Variants in LRP1B observed in about 807,000 individuals in gnomAD.
LRP1B encodes the protein LDL receptor related protein 1B.
Under a neutral mutation model 556.6 loss-of-function variants are expected in LRP1B, and 217 were observed. That is an observed-to-expected ratio of 0.39 (90% CI 0.35 to 0.44). The LOEUF is 0.44. LRP1B is among the 20% of genes least tolerant of loss of function. The pLI, the probability that LRP1B is intolerant of heterozygous loss-of-function variation, is 1.00. For missense variants in LRP1B, 5,053 were observed against 5,620.8 expected, an observed-to-expected ratio of 0.90 and a Z score of 3.23; for synonymous variants, 2,047 against 1,865.8, an observed-to-expected ratio of 1.10 and a Z score of -2.50.
intron 2 of LRP1B, among the ~76,000 whole-genome samples, chr2:141,574,357 C>A (rs1686656916): frequency 6.6e-6 from 1 of 152,160 alleles, no homozygotes; most frequent in Admixed American, 6.5e-5. Flanking sequence ...ATGATTATCT[C>A]AATACATGCA....
chr2:141,578,460 G>A lies in LRP1B; in HGVS notation c.206-97927C>T, dbSNP rs552861758. ...TCACTGCCCACCATCTTTGCTTGAAGAAAATCTCCCAGAGCACAGTGAATG... is the reference window on the plus strand; with the variant it reads ...TCACTGCCCACCATCTTTGCTTGAAAAAAATCTCCCAGAGCACAGTGAATG... On this transcript the variant is annotated intron_variant, in intron 2 of 90. Coordinates refer to ENST00000389484, the MANE Select transcript of LRP1B (RefSeq NM_018557.3). 4.9e-4 allele frequency among the ~76,000 whole-genome samples: 73 copies of A among 150,356 alleles called. 1 individual carries two copies. The South Asian group carries it at 0.013, about 26-fold the overall frequency.
chr2:141,354,264 G>A (rs990795089), intron 3 of LRP1B, among the ~76,000 whole-genome samples: 58 of 152,158 alleles, frequency 3.8e-4, no homozygotes, highest in African/African-American at 1.3e-3. Flanking sequence ...TGGAGAGTAT[G>A]TCCAGGAGAC....
intron 1 of LRP1B, among the ~76,000 whole-genome samples, chr2:142,030,755 C>A (rs1157034142): frequency 1.3e-5 from 2 of 151,680 alleles, no homozygotes; most frequent in Non-Finnish European, 2.9e-5. Flanking sequence ...GGACTCATGA[C>A]CTAGAAAGAA....
chr2:140,938,405 G>A (rs1471467081), intron 20 of LRP1B, among the ~76,000 whole-genome samples: 2 of 151,932 alleles, frequency 1.3e-5, no homozygotes, highest in Non-Finnish European at 2.9e-5. Flanking sequence ...TTTAATATAA[G>A]GGCCTAGATC....
intron 2 of LRP1B, among the ~76,000 whole-genome samples, chr2:141,530,650 A>T (rs1170387278): frequency 5.3e-5 from 8 of 152,048 alleles, no homozygotes; most frequent in Admixed American, 5.2e-4. Flanking sequence ...TAACATAGAG[A>T]TTAAGAGGGT....
intron 67 of LRP1B, among the ~76,000 whole-genome samples, chr2:140,379,521 C>T (rs185193606): frequency 7.2e-5 from 11 of 152,224 alleles, no homozygotes; most frequent in African/African-American, 2.6e-4. Context: ...ATGGCAAAAA[C>T]CCGTCTCTAC....
chr2:141,686,862 G>T (rs1574241965), intron 2 of LRP1B, among the ~76,000 whole-genome samples: 1 of 151,932 alleles, frequency 6.6e-6, no homozygotes, highest in South Asian at 2.1e-4. Flanking sequence ...ACCTGAGCTG[G>T]CAGGTTAGCA....
intron 33 of LRP1B, among the ~76,000 whole-genome samples, chr2:140,771,869 C>G (rs899399075): frequency 1.3e-5 from 2 of 152,188 alleles, no homozygotes; most frequent in Non-Finnish European, 2.9e-5. Context: ...AATTACAAAG[C>G]ATGATGAAAG....
intron 32 of LRP1B, among the ~76,000 whole-genome samples, chr2:140,798,407 A>C (rs1690391351): frequency 6.6e-6 from 1 of 152,172 alleles, no homozygotes; most frequent in African/African-American, 2.4e-5. Context: ...TTCTCTGCCC[A>C]CTTTACAAGA....
chr2:140,795,747 T>C (rs1270559818), intron 32 of LRP1B, among the ~76,000 whole-genome samples: 2 of 152,108 alleles, frequency 1.3e-5, no homozygotes, highest in South Asian at 2.1e-4. Flanking sequence ...AGGGCTTCTA[T>C]CTGATTAAGT....
At chr2:140,295,123 G>A (rs761892801) in intron 84 of LRP1B, among the ~76,000 whole-genome samples, 2 of 151,648 alleles carry the variant, frequency 1.3e-5, no homozygotes, top group African/African-American at 2.4e-5. Context: ...CGTGATCCGC[G>A]GGCCTCAGCC....
intron 1 of LRP1B, among the ~76,000 whole-genome samples, chr2:142,015,639 A>G (rs1200858513): frequency 6.6e-6 from 1 of 152,166 alleles, no homozygotes; most frequent in African/African-American, 2.4e-5. Flanking sequence ...ACAAAGGGCT[A>G]ATATCCAGAA....
chr2:141,258,458 G>T (rs1330901536), intron 3 of LRP1B, among the ~76,000 whole-genome samples: 5 of 152,110 alleles, frequency 3.3e-5, no homozygotes, highest in African/African-American at 4.8e-5. Flanking sequence ...CAACAGTTGA[G>T]ACTCCGCCTC....
At chr2:141,941,106 A>T (rs1700786054) in intron 1 of LRP1B, among the ~76,000 whole-genome samples, 1 of 152,226 alleles carries the variant, frequency 6.6e-6, no homozygotes, top group Non-Finnish European at 1.5e-5. Flanking sequence ...GACCAATGCA[A>T]TGGCCTGAAA....
chr2:141,230,060 T>C (rs893056372), intron 5 of LRP1B, among the ~76,000 whole-genome samples: 1 of 152,098 alleles, frequency 6.6e-6, no homozygotes, highest in African/African-American at 2.4e-5. Flanking sequence ...TTCAATACCA[T>C]TTTTTTGAAC....
intron 56 of LRP1B, among the ~76,000 whole-genome samples, chr2:140,493,285 T>C (rs1688781307): frequency 6.6e-6 from 1 of 152,190 alleles, no homozygotes; most frequent in Non-Finnish European, 1.5e-5. Context: ...TATTTCTACC[T>C]TATCAGCTTG....
At chr2:141,976,101 A>C (rs867003747) in intron 1 of LRP1B, among the ~76,000 whole-genome samples, 22 of 152,170 alleles carry the variant, frequency 1.4e-4, no homozygotes, top group Middle Eastern at 3.4e-3. Flanking sequence ...TTTATCAAAT[A>C]AGAAGCAAAA....
chr2:141,668,452 T>C lies in LRP1B; in HGVS notation c.205+141827A>G, dbSNP rs551475197. On this transcript the variant is annotated intron_variant, in intron 2 of 90. Transcript: ENST00000389484. Reference sequence around the variant, plus strand: ...TATAAACTTCAAATCCCAGGATCCATGGCAGATGAGCAGAAGAGAAGAGGA... The same window carrying C: ...TATAAACTTCAAATCCCAGGATCCACGGCAGATGAGCAGAAGAGAAGAGGA... Among the ~76,000 whole-genome samples, 4 of 152,198 alleles carry C rather than the reference T, an allele frequency of 2.6e-5. No homozygotes were observed. In the East Asian group the frequency reaches 5.8e-4, roughly 22 times the overall value.
chr2:140,704,697 G>A (rs1686765748), intron 37 of LRP1B, among the ~76,000 whole-genome samples: 1 of 152,194 alleles, frequency 6.6e-6, no homozygotes, highest in Non-Finnish European at 1.5e-5. Context: ...GGCAGGTAAT[G>A]TTATACTGTG....
Sources: allele counts gnomAD v4.1 joint callset (sites outside exome capture counted in the v4.1 genomes callset), GRCh38; gene constraint gnomAD v4.1.1; transcripts MANE v1.5; gene names NCBI Gene and HGNC (gene_info 2026-07-23, HGNC 2026-07-21).